Variants in DPYD observed in about 807,000 individuals in gnomAD.
DPYD encodes dihydropyrimidine dehydrogenase, also known as dihydropyrimidine dehydrogenase [NADP(+)].
Under a neutral mutation model 116.2 loss-of-function variants are expected in DPYD, and 109 were observed. That is an observed-to-expected ratio of 0.94 (90% confidence interval 0.80 to 1.10). The LOEUF is 1.10. Among genes scored for constraint, DPYD ranks in the 50% least tolerant of loss-of-function variants. DPYD has a pLI of 0.00. For missense variants in DPYD, 1,302 were observed against 1,254.5 expected (o/e 1.04, Z -0.57); for synonymous variants, 440 against 432.0 (o/e 1.02, Z -0.23).
chr1:97,601,709 G>T (rs1012895024), intron 8 of DPYD, among the ~76,000 whole-genome samples: 3 of 151,930 alleles, frequency 2.0e-5, no homozygotes, highest in Non-Finnish European at 4.4e-5. Flanking sequence ...TCTATATATT[G>T]ATGAGAAAGA....
intron 13 of DPYD, among the ~76,000 whole-genome samples, chr1:97,477,770 G>A (rs1041308390): frequency 1.5e-4 from 22 of 151,612 alleles, no homozygotes; most frequent in South Asian, 4.2e-4. Context: ...ACAGGCGCCC[G>A]CCACCGCGCC....
intron 8 of DPYD, among the ~76,000 whole-genome samples, chr1:97,629,275 A>T (rs1657114263): frequency 6.6e-6 from 1 of 152,058 alleles, no homozygotes; most frequent in African/African-American, 2.4e-5. Context: ...CAAGAAATCA[A>T]GTGGAAGTAT....
intron 16 of DPYD, among the ~76,000 whole-genome samples, chr1:97,322,236 A>T (rs966119372): frequency 6.7e-5 from 6 of 89,376 alleles, no homozygotes; most frequent in South Asian, 4.7e-4. Flanking sequence ...AAGTATAATA[A>T]AAAAAAATAA....
Position 97,576,315 on chromosome 1 carries a change from G to T in DPYD, c.1129-2345C>A, listed in dbSNP as rs148063988. ...TGGTTTGAATAAATCAATATACAAT[G>T]TGTACCTGTAACAGTACTGTTTTCT... On this transcript the variant is annotated intron_variant, in intron 10 of 22. Coordinates refer to ENST00000370192, the MANE Select transcript of DPYD (RefSeq NM_000110.4). Among the ~76,000 whole-genome samples, 1,330 of 152,170 alleles carry T rather than the reference G, an allele frequency of 8.7e-3. 9 individuals carry two copies. The highest frequency in any genetic ancestry group is 0.014 in the Non-Finnish European group (949 of 67,986).
chr1:97,234,710 T>A, intron 19 of DPYD, 142 bp downstream of exon 19: 1 of 1,023,144 alleles, frequency 9.8e-7, no homozygotes, highest in Non-Finnish European at 1.5e-6. Flanking sequence ...TCAGAGGAAC[T>A]TAATACATGC....
intron 20 of DPYD, among the ~76,000 whole-genome samples, chr1:97,173,231 TGC>T (rs1557911344): frequency 8.9e-5 from 10 of 112,884 alleles, no homozygotes; most frequent in South Asian, 3.3e-4. Flanking sequence ...CGTACATATA[TGC>T]GCACACATAT....
intron 14 of DPYD, among the ~76,000 whole-genome samples, chr1:97,400,236 T>C (rs1343814807): frequency 6.6e-6 from 1 of 152,230 alleles, no homozygotes; most frequent in Non-Finnish European, 1.5e-5. Flanking sequence ...GTTCTGTTTA[T>C]ATGCTGGATT....
At chr1:97,890,118 G>T (rs1295927470) in intron 1 of DPYD, among the ~76,000 whole-genome samples, 1 of 151,946 alleles carries the variant, frequency 6.6e-6, no homozygotes, top group Non-Finnish European at 1.5e-5. Context: ...GCGGATTAGG[G>T]AGAAATGAGA....
At chr1:97,813,523 C>T (rs934147672) in intron 3 of DPYD, among the ~76,000 whole-genome samples, 26 of 152,038 alleles carry the variant, frequency 1.7e-4, no homozygotes, top group African/African-American at 6.3e-4. Flanking sequence ...GAGAAAGATG[C>T]TAGCAAGATA....
chr1:97,205,334 C>T (rs995721895), intron 19 of DPYD, among the ~76,000 whole-genome samples: 6 of 151,960 alleles, frequency 3.9e-5, no homozygotes, highest in Non-Finnish European at 7.4e-5. Context: ...CTCACCTCCC[C>T]CATCCCCTGG....
rs886046571 is a variant in DPYD at position 97,078,390 on chromosome 1, G to A, written c.*586C>T. 38 of 167,346 alleles carry A rather than the reference G, an allele frequency of 2.3e-4. No individual in the cohort carries two copies. The highest frequency in any genetic ancestry group is 9.6e-5 in the African/African-American group (4 of 41,512). The allele number at this position is 167,346 out of a possible 1,614,324, so 10.4% of individuals were successfully genotyped here. A position where few individuals can be genotyped will look rare whatever the true frequency, so the allele number is the denominator to read the frequency against. Reference sequence around the variant, plus strand: ...AACACCAAAAATAAGCAATTTCAGCGAAGGGGATTTTACTTAATAAAGTTC... The same window carrying A: ...AACACCAAAAATAAGCAATTTCAGCAAAGGGGATTTTACTTAATAAAGTTC... On this transcript the variant is annotated 3_prime_UTR_variant, in exon 23 of 23. Coordinates refer to ENST00000370192, the MANE Select transcript of DPYD (RefSeq NM_000110.4).
At chr1:97,511,366 A>G (rs1485573379) in intron 13 of DPYD, among the ~76,000 whole-genome samples, 1 of 152,042 alleles carries the variant, frequency 6.6e-6, no homozygotes, top group Admixed American at 6.6e-5. Flanking sequence ...GACCTATAAT[A>G]TTACACATGT....
chr1:97,220,556 G>T (rs1660709264), intron 19 of DPYD, among the ~76,000 whole-genome samples: 1 of 152,180 alleles, frequency 6.6e-6, no homozygotes, highest in South Asian at 2.1e-4. Flanking sequence ...TATCCTTGAT[G>T]CTTGAGCTCT....
At chr1:97,874,474 T>G (rs1324748786) in intron 2 of DPYD, among the ~76,000 whole-genome samples, 1 of 151,868 alleles carries the variant, frequency 6.6e-6, no homozygotes, top group African/African-American at 2.4e-5. Context: ...CAAGATACCA[T>G]AAGCAAATTG....
chr1:97,086,194 C>T, intron 21 of DPYD, among the ~76,000 whole-genome samples: 1 of 152,116 alleles, frequency 6.6e-6, no homozygotes, highest in Non-Finnish European at 1.5e-5. Flanking sequence ...GCTGGGGCTA[C>T]AGGCGCCCGC....
chr1:97,755,425 C>A (rs1665174972), intron 3 of DPYD, among the ~76,000 whole-genome samples: 1 of 152,142 alleles, frequency 6.6e-6, no homozygotes, highest in Admixed American at 6.5e-5. Flanking sequence ...CTCCTGTTTT[C>A]CCTACTATCT....
intron 8 of DPYD, among the ~76,000 whole-genome samples, chr1:97,596,543 TGTA>T (rs145851004): frequency 0.013 from 1,972 of 152,162 alleles, 36 homozygotes; most frequent in African/African-American, 0.044. Flanking sequence ...GGGGAAAACA[TGTA>T]GTTTTATTTT....
chr1:97,372,188 AT>A (rs1671344654), intron 16 of DPYD, among the ~76,000 whole-genome samples: 1 of 152,212 alleles, frequency 6.6e-6, no homozygotes, highest in Non-Finnish European at 1.5e-5. Flanking sequence ...CAATCAATAG[AT>A]TTAAAACCTC....
chr1:97,545,626 A>G (rs910691514), intron 12 of DPYD: 1 of 605,364 alleles, frequency 1.7e-6, no homozygotes, highest in Admixed American at 2.9e-5. Context: ...ATTATGCAAG[A>G]GAGTGCCCTG....
Sources: gnomAD v4.1 joint callset for allele counts (sites outside exome capture counted in the v4.1 genomes callset) on GRCh38, gnomAD v4.1.1 for gene constraint, MANE v1.5 for transcripts, NCBI Gene and HGNC (gene_info 2026-07-23, HGNC 2026-07-21) for gene names.